Variants in CCDC178 observed in about 807,000 individuals in gnomAD.
CCDC178 encodes the protein coiled-coil domain containing 178, also known as coiled-coil domain-containing protein 178.
A neutral mutation model predicts 117.4 loss-of-function variants in CCDC178; 126 were observed. The observed-to-expected ratio is 1.07, with a 90% confidence interval of 0.93 to 1.24. CCDC178 has a LOEUF of 1.24. Among genes scored for constraint, CCDC178 ranks in the 50% most tolerant of loss-of-function variants. The pLI, the probability that CCDC178 is intolerant of heterozygous loss-of-function variation, is 0.00. For missense variants in CCDC178, 1,030 were observed against 986.9 expected, an observed-to-expected ratio of 1.04 and a Z score of -0.59; for synonymous variants, 283 against 313.4, an observed-to-expected ratio of 0.90 and a Z score of 1.02.
At chr18:33,138,298 G>T (rs1468327889) in intron 20 of CCDC178, among the ~76,000 whole-genome samples, 1 of 152,142 alleles carries the variant, frequency 6.6e-6, no homozygotes, top group South Asian at 2.1e-4. Context: ...GAAGAACTTT[G>T]TATTTGTATT....
chr18:32,994,402 T>C (rs1192095922), intron 21 of CCDC178, among the ~76,000 whole-genome samples: 3 of 152,210 alleles, frequency 2.0e-5, no homozygotes, highest in Admixed American at 6.5e-5. Context: ...AATTTCATCC[T>C]GCAAATTTTC....
chr18:33,049,640 A>G (rs1453309053), intron 21 of CCDC178, among the ~76,000 whole-genome samples: 1 of 152,186 alleles, frequency 6.6e-6, no homozygotes, highest in South Asian at 2.1e-4. Context: ...TGAGTGTTTG[A>G]TAAACACTGT....
intron 11 of CCDC178, among the ~76,000 whole-genome samples, chr18:33,301,247 C>T (rs1195141929): frequency 6.6e-6 from 1 of 152,190 alleles, no homozygotes; most frequent in Non-Finnish European, 1.5e-5. Context: ...GCATAGAATG[C>T]AAGCGTGAAG....
chr18:33,211,904 C>G lies in CCDC178; in HGVS notation c.2230G>C (p.Asp744His), dbSNP rs1232205084. 1.2e-6 allele frequency: 2 copies of G among 1,603,460 alleles called. No homozygotes were observed. Among genetic ancestry groups the G allele is most frequent in the East Asian group, 2.2e-5 (1 of 44,566 alleles). ...GCAAAAATAATACTCACTTGGGTATCTTGAAGAGTTTTTTGTCTTACAGCA... is the reference window on the plus strand; with the variant it reads ...GCAAAAATAATACTCACTTGGGTATGTTGAAGAGTTTTTTGTCTTACAGCA... The part of the protein sequence containing the change: ...LLAVRQKTLQ[D>H]TQKIIADSLE... Residue 744 changes from aspartate (D) to histidine (H), a missense_variant, in exon 20 of 23, where the codon GAT (aspartate) becomes CAT (histidine). Coordinates refer to ENST00000383096, the MANE Select transcript of CCDC178 (RefSeq NM_001105528.4).
At chr18:33,357,574 A>C (rs1239426587) in intron 6 of CCDC178, among the ~76,000 whole-genome samples, 4 of 152,140 alleles carry the variant, frequency 2.6e-5, no homozygotes, top group Non-Finnish European at 5.9e-5. Context: ...CTGAGTTCAC[A>C]TATTTAGCTT....
chr18:33,225,544 A>T (rs2144633253), intron 16 of CCDC178, among the ~76,000 whole-genome samples: 1 of 152,306 alleles, frequency 6.6e-6, no homozygotes, highest in South Asian at 2.1e-4. Context: ...TCAAACATTT[A>T]AAAAAATATT....
intron 22 of CCDC178, among the ~76,000 whole-genome samples, chr18:32,951,629 A>G (rs1166736416): frequency 6.6e-6 from 1 of 152,196 alleles, no homozygotes; most frequent in East Asian, 1.9e-4. Context: ...AAGCCAAACC[A>G]TATCATTCTG....
chr18:33,005,674 T>C (rs2055731845), intron 21 of CCDC178, among the ~76,000 whole-genome samples: 1 of 152,084 alleles, frequency 6.6e-6, no homozygotes, highest in Admixed American at 6.6e-5. Context: ...TAATTTACTC[T>C]GATTATTATG....
At chr18:33,377,160 C>G (rs922647067) in intron 5 of CCDC178, among the ~76,000 whole-genome samples, 1 of 152,090 alleles carries the variant, frequency 6.6e-6, no homozygotes, top group African/African-American at 2.4e-5. Flanking sequence ...GTATGAGATG[C>G]TATCTCATTG....
intron 21 of CCDC178, among the ~76,000 whole-genome samples, chr18:33,033,515 C>A (rs1055194033): frequency 6.6e-6 from 1 of 151,916 alleles, no homozygotes; most frequent in Non-Finnish European, 1.5e-5. Flanking sequence ...GAGGTTCAGT[C>A]CATTAATTAT....
chr18:33,322,040 A>G (rs577309671), intron 11 of CCDC178, among the ~76,000 whole-genome samples: 7 of 152,070 alleles, frequency 4.6e-5, no homozygotes, highest in African/African-American at 1.4e-4. Flanking sequence ...TCAATTCCTA[A>G]TGATAAGGAG....
At chr18:32,943,833 A>G (rs1462946485) in intron 22 of CCDC178, among the ~76,000 whole-genome samples, 1 of 152,248 alleles carries the variant, frequency 6.6e-6, no homozygotes, top group Non-Finnish European at 1.5e-5. Flanking sequence ...ATCAGGTAAC[A>G]CAACATATTA....
chr18:33,130,716 G>T (rs1442542762), intron 20 of CCDC178, among the ~76,000 whole-genome samples: 1 of 151,922 alleles, frequency 6.6e-6, no homozygotes, highest in African/African-American at 2.4e-5. Flanking sequence ...GACCTGGTTT[G>T]TCTCTGATAT....
chr18:32,966,904 G>T (rs1221025790), intron 22 of CCDC178, among the ~76,000 whole-genome samples: 1 of 151,616 alleles, frequency 6.6e-6, no homozygotes, highest in Non-Finnish European at 1.5e-5. Flanking sequence ...GTTAATTATG[G>T]TTAGAAAATA....
At chr18:33,373,116 G>T (rs1311986562) in intron 5 of CCDC178, among the ~76,000 whole-genome samples, 1 of 152,070 alleles carries the variant, frequency 6.6e-6, no homozygotes, top group South Asian at 2.1e-4. Flanking sequence ...GGAAAACAAA[G>T]ATCTCTTTAG....
intron 20 of CCDC178, among the ~76,000 whole-genome samples, chr18:33,098,144 G>C (rs1196400898): frequency 6.6e-6 from 1 of 151,984 alleles, no homozygotes; most frequent in Non-Finnish European, 1.5e-5. Flanking sequence ...TGCCAAAGGA[G>C]ATTACAAGAA....
At chr18:33,214,155 T>C (rs1404596869) in intron 19 of CCDC178, among the ~76,000 whole-genome samples, 3 of 152,066 alleles carry the variant, frequency 2.0e-5, no homozygotes, top group African/African-American at 7.2e-5. Context: ...TCCCTGAGCC[T>C]CTGTTTCTCA....
intron 11 of CCDC178, among the ~76,000 whole-genome samples, chr18:33,318,503 C>A (rs568975217): frequency 1.6e-4 from 25 of 152,192 alleles, no homozygotes; most frequent in Admixed American, 5.2e-4. Flanking sequence ...GGCTTGAAAA[C>A]AGAAAATGTG....
chr18:33,195,945 G>A (rs193169178), intron 20 of CCDC178, among the ~76,000 whole-genome samples: 2 of 152,152 alleles, frequency 1.3e-5, no homozygotes, highest in Non-Finnish European at 2.9e-5. Flanking sequence ...AATTATTTGT[G>A]TAGAGTTGAA....
Sources: allele counts gnomAD v4.1 joint callset (sites outside exome capture counted in the v4.1 genomes callset), GRCh38; gene constraint gnomAD v4.1.1; transcripts MANE v1.5; gene names NCBI Gene and HGNC (gene_info 2026-07-23, HGNC 2026-07-21).